Variants in BRINP2 observed in about 807,000 individuals in gnomAD.
The protein encoded by BRINP2 is BMP/retinoic acid-inducible neural-specific protein 2.
In BRINP2, 21 loss-of-function variants were observed where a neutral mutation model predicts 69.2. The observed-to-expected ratio is 0.30, with a 90% confidence interval of 0.22 to 0.44. The LOEUF is 0.44. BRINP2 is among the 20% of genes least tolerant of loss of function. The pLI, the probability that BRINP2 is intolerant of heterozygous loss-of-function variation, is 1.00. For missense variants in BRINP2, 877 were observed against 986.0 expected, an observed-to-expected ratio of 0.89 and a Z score of 1.48; for synonymous variants, 380 against 394.1, an observed-to-expected ratio of 0.96 and a Z score of 0.42.
intron 1 of BRINP2, among the ~76,000 whole-genome samples, chr1:177,214,042 G>A (rs970913947): frequency 2.0e-5 from 3 of 152,088 alleles, no homozygotes; most frequent in African/African-American, 4.8e-5. Context: ...TTCTATGGGG[G>A]GGCTCTTAAT....
chr1:177,206,699 G>A (rs964858436), intron 1 of BRINP2, among the ~76,000 whole-genome samples: 6 of 152,168 alleles, frequency 3.9e-5, no homozygotes, highest in Admixed American at 2.0e-4. Flanking sequence ...AGTGATAGGA[G>A]TCCCCAGATG....
chr1:177,208,920 A>G (rs1352908102), intron 1 of BRINP2, among the ~76,000 whole-genome samples: 1 of 152,204 alleles, frequency 6.6e-6, no homozygotes, highest in African/African-American at 2.4e-5. Flanking sequence ...AGGCAAATGT[A>G]CTTTTCTTCT....
intron 4 of BRINP2, among the ~76,000 whole-genome samples, chr1:177,267,637 A>T (rs545416026): frequency 6.6e-6 from 1 of 152,168 alleles, no homozygotes. Flanking sequence ...ATAGTTTTCA[A>T]TTCTCTTGAG....
intron 1 of BRINP2, among the ~76,000 whole-genome samples, chr1:177,216,476 A>G (rs1455288140): frequency 6.6e-6 from 1 of 152,060 alleles, no homozygotes; most frequent in Non-Finnish European, 1.5e-5. Flanking sequence ...AACTGTTGTT[A>G]TTAACAATTT....
intron 1 of BRINP2, among the ~76,000 whole-genome samples, chr1:177,223,988 T>G (rs992348542): frequency 1.1e-4 from 17 of 152,208 alleles, no homozygotes; most frequent in South Asian, 2.1e-4. Flanking sequence ...AGCACCATGG[T>G]TAGTCTCTGT....
At chr1:177,230,326 AAAG>A (rs1649829609) in intron 2 of BRINP2, among the ~76,000 whole-genome samples, 181 bp downstream of exon 2, 1 of 152,194 alleles carries the variant, frequency 6.6e-6, no homozygotes, top group African/African-American at 2.4e-5. Context: ...TTAAAAAAAG[AAAG>A]AAGAAAACAC....
intron 1 of BRINP2, among the ~76,000 whole-genome samples, chr1:177,196,542 C>T (rs1167750750): frequency 6.6e-6 from 1 of 151,768 alleles, no homozygotes; most frequent in Non-Finnish European, 1.5e-5. Context: ...CACTTGAACC[C>T]GGGAGTCAGA....
At chr1:177,255,865 C>T (rs1004183855) in intron 2 of BRINP2, 54 bp from the exon 3 acceptor site, 14 of 1,547,584 alleles carry the variant, frequency 9.0e-6, no homozygotes, top group African/African-American at 8.2e-5. Flanking sequence ...AGATTTTATG[C>T]CTCTTGCTCT....
chr1:177,215,762 A>G (rs1281096168), intron 1 of BRINP2, among the ~76,000 whole-genome samples: 2 of 152,112 alleles, frequency 1.3e-5, no homozygotes, highest in Non-Finnish European at 2.9e-5. Context: ...GGCATCCTTG[A>G]CTTGTTCCAG....
chr1:177,260,551 T>C (rs746957916), intron 4 of BRINP2, among the ~76,000 whole-genome samples: 17 of 152,148 alleles, frequency 1.1e-4, no homozygotes, highest in Non-Finnish European at 1.9e-4. Flanking sequence ...GAAGAGTCCA[T>C]TGATGCAGCA....
At chr1:177,225,218 T>C (rs994422387) in intron 1 of BRINP2, among the ~76,000 whole-genome samples, 1 of 152,200 alleles carries the variant, frequency 6.6e-6, no homozygotes, top group Non-Finnish European at 1.5e-5. Context: ...ATTTTTTCCA[T>C]TGACAAAGCT....
chr1:177,277,128 A>G (rs1651525665), intron 6 of BRINP2, among the ~76,000 whole-genome samples: 1 of 152,048 alleles, frequency 6.6e-6, no homozygotes, highest in Non-Finnish European at 1.5e-5. Context: ...ATGATGTTGA[A>G]TAAAACAAAG....
At chr1:177,234,829 A>T (rs1467646654) in intron 2 of BRINP2, among the ~76,000 whole-genome samples, 1 of 152,222 alleles carries the variant, frequency 6.6e-6, no homozygotes, top group African/African-American at 2.4e-5. Context: ...TAAAAGGGAC[A>T]TCATAGTCTT....
At chr1:177,272,373 C>T (rs981607058) in intron 4 of BRINP2, among the ~76,000 whole-genome samples, 1 of 152,218 alleles carries the variant, frequency 6.6e-6, no homozygotes, top group East Asian at 1.9e-4. Context: ...CACCTCCCTA[C>T]CCTGAAAAGC....
chr1:177,241,825 G>T (rs1429929863), intron 2 of BRINP2, among the ~76,000 whole-genome samples: 1 of 152,156 alleles, frequency 6.6e-6, no homozygotes, highest in South Asian at 2.1e-4. Flanking sequence ...CAGGTCACAG[G>T]CACACCTCAG....
intron 1 of BRINP2, among the ~76,000 whole-genome samples, chr1:177,214,554 A>C (rs1037728265): frequency 6.6e-6 from 1 of 152,208 alleles, no homozygotes; most frequent in African/African-American, 2.4e-5. Flanking sequence ...GACAACATTG[A>C]AGTTTTCCTG....
chr1:177,190,882 G>T (rs1383092959), intron 1 of BRINP2, among the ~76,000 whole-genome samples: 2 of 152,134 alleles, frequency 1.3e-5, no homozygotes, highest in African/African-American at 4.8e-5. Flanking sequence ...TCCTCATAGG[G>T]TTATGGTGAG....
chr1:177,273,229 C>T (rs1651386678), intron 4 of BRINP2, among the ~76,000 whole-genome samples: 1 of 152,192 alleles, frequency 6.6e-6, no homozygotes, highest in Non-Finnish European at 1.5e-5. Flanking sequence ...CCTTTCCAGA[C>T]ACAAATTCCC....
At chr1:177,209,528 T>C (rs1219570179) in intron 1 of BRINP2, among the ~76,000 whole-genome samples, 1 of 152,162 alleles carries the variant, frequency 6.6e-6, no homozygotes, top group Non-Finnish European at 1.5e-5. Flanking sequence ...TCAAGAATGG[T>C]GGGGCTGGGC....
Sources: gnomAD v4.1 joint callset for allele counts (sites outside exome capture counted in the v4.1 genomes callset) on GRCh38, gnomAD v4.1.1 for gene constraint, MANE v1.5 for transcripts, NCBI Gene and HGNC (gene_info 2026-07-23, HGNC 2026-07-21) for gene names.